The following MYRIP variants were observed in gnomAD, a reference collection of about 807,000 sequenced individuals.
The protein encoded by MYRIP is rab effector MyRIP.
In MYRIP, 49 loss-of-function variants were observed where a neutral mutation model predicts 98.0. That is an observed-to-expected ratio of 0.50 (90% confidence interval 0.40 to 0.63). MYRIP has a LOEUF of 0.63. MYRIP is among the 30% of genes least tolerant of loss of function. MYRIP has a pLI of 0.00. For missense variants in MYRIP, 1,004 were observed against 1,058.2 expected (o/e 0.95, Z 0.71); for synonymous variants, 404 against 409.5 (o/e 0.99, Z 0.16).
intron 16 of MYRIP, among the ~76,000 whole-genome samples, chr3:40,257,492 T>C (rs1292958788): frequency 6.6e-6 from 1 of 152,228 alleles, no homozygotes; most frequent in Non-Finnish European, 1.5e-5. Context: ...ATAACTCTCA[T>C]ATGCTTAGCA....
chr3:39,835,660 G>A (rs972312585), intron 1 of MYRIP, among the ~76,000 whole-genome samples: 1 of 152,004 alleles, frequency 6.6e-6, no homozygotes, highest in Non-Finnish European at 1.5e-5. Context: ...TTGTTACATA[G>A]GTATACATGT....
chr3:39,920,974 A>G (rs942955968), intron 2 of MYRIP, among the ~76,000 whole-genome samples: 8 of 152,204 alleles, frequency 5.3e-5, no homozygotes, highest in Non-Finnish European at 1.0e-4. Context: ...ATCACTGGAC[A>G]TAGAGATGAT....
At chr3:39,874,705 T>C (rs964471460) in intron 1 of MYRIP, among the ~76,000 whole-genome samples, 2 of 152,204 alleles carry the variant, frequency 1.3e-5, no homozygotes, top group African/African-American at 4.8e-5. Flanking sequence ...TTTATCATGG[T>C]GGATAAGCTT....
At chr3:40,039,238 A>G (rs1947456655) in intron 2 of MYRIP, among the ~76,000 whole-genome samples, 1 of 152,316 alleles carries the variant, frequency 6.6e-6, no homozygotes, top group Non-Finnish European at 1.5e-5. Context: ...ACCTAGTCAC[A>G]TAGACCATGC....
chr3:40,241,078 A>G (rs547189529), intron 12 of MYRIP, among the ~76,000 whole-genome samples: 3 of 152,282 alleles, frequency 2.0e-5, no homozygotes, highest in Admixed American at 6.5e-5. Flanking sequence ...AGGTCAACAG[A>G]GAAGGACTAG....
intron 2 of MYRIP, among the ~76,000 whole-genome samples, chr3:39,953,308 G>A (rs1054990533): frequency 2.6e-5 from 4 of 152,036 alleles, no homozygotes; most frequent in South Asian, 2.1e-4. Flanking sequence ...ATGTGCCTTC[G>A]GTCTGTTTCC....
At chr3:40,210,308 C>T (rs370775137) in intron 11 of MYRIP, among the ~76,000 whole-genome samples, 1 of 152,144 alleles carries the variant, frequency 6.6e-6, no homozygotes, top group Non-Finnish European at 1.5e-5. Flanking sequence ...CCCAAGAACT[C>T]TTACCTTCCA....
At chr3:39,942,286 C>T (rs959391029) in intron 2 of MYRIP, among the ~76,000 whole-genome samples, 4 of 152,040 alleles carry the variant, frequency 2.6e-5, no homozygotes, top group African/African-American at 9.7e-5. Flanking sequence ...GCAGAAAAGA[C>T]CAATAACCAT....
intron 3 of MYRIP, among the ~76,000 whole-genome samples, chr3:40,139,174 G>T (rs1949842595): frequency 6.6e-6 from 1 of 152,072 alleles, no homozygotes; most frequent in South Asian, 2.1e-4. Flanking sequence ...ATGGCTGACT[G>T]GTATTTCATG....
At chr3:39,862,715 C>A (rs1416423996) in intron 1 of MYRIP, among the ~76,000 whole-genome samples, 4 of 152,146 alleles carry the variant, frequency 2.6e-5, no homozygotes, top group Non-Finnish European at 5.9e-5. Context: ...ACCCCACTGA[C>A]TGTGTTAGGT....
At chr3:39,987,560 A>G (rs1295025946) in intron 2 of MYRIP, among the ~76,000 whole-genome samples, 3 of 152,198 alleles carry the variant, frequency 2.0e-5, no homozygotes, top group Non-Finnish European at 2.9e-5. Context: ...GTCTGGTTCT[A>G]GATCCTTGAG....
At chr3:40,125,791 C>T (rs1016177164) in intron 3 of MYRIP, among the ~76,000 whole-genome samples, 3 of 152,138 alleles carry the variant, frequency 2.0e-5, no homozygotes, top group African/African-American at 7.2e-5. Flanking sequence ...TTCCTTCTCG[C>T]TATTTGTCAG....
At chr3:40,218,456 A>G (rs1207160197) in intron 11 of MYRIP, among the ~76,000 whole-genome samples, 2 of 151,648 alleles carry the variant, frequency 1.3e-5, no homozygotes, top group Non-Finnish European at 1.5e-5. Context: ...GGTCTGATGG[A>G]AATATTCTAT....
intron 11 of MYRIP, among the ~76,000 whole-genome samples, chr3:40,227,004 A>G (rs879764197): frequency 6.6e-6 from 1 of 152,154 alleles, no homozygotes; most frequent in Non-Finnish European, 1.5e-5. Context: ...GTAAAATGCT[A>G]GCAGCACCCG....
chr3:40,164,071 C>G (rs1192195800), intron 5 of MYRIP, among the ~76,000 whole-genome samples: 1 of 152,132 alleles, frequency 6.6e-6, no homozygotes, highest in Admixed American at 6.5e-5. Flanking sequence ...TTATAGGGTT[C>G]TTAACCCCAA....
At chr3:40,223,331 C>G (rs1399139572) in intron 11 of MYRIP, among the ~76,000 whole-genome samples, 3 of 152,140 alleles carry the variant, frequency 2.0e-5, no homozygotes, top group Admixed American at 6.5e-5. Flanking sequence ...TAAGATATTA[C>G]TCATATTTTT....
At chr3:39,886,140 A>G (rs1575344251) in intron 1 of MYRIP, among the ~76,000 whole-genome samples, 1 of 152,008 alleles carries the variant, frequency 6.6e-6, no homozygotes, top group East Asian at 1.9e-4. Flanking sequence ...GCAAATGCTG[A>G]GAGATTTTGT....
intron 16 of MYRIP, 71 bp from the exon 17 acceptor site, chr3:40,258,063 C>T: frequency 1.3e-6 from 2 of 1,521,474 alleles, no homozygotes; most frequent in South Asian, 2.2e-5. Context: ...AAGCAGTAAA[C>T]ATTATTTTTC....
At chr3:39,875,561 A>G (rs374853428) in intron 1 of MYRIP, among the ~76,000 whole-genome samples, 2 of 151,832 alleles carry the variant, frequency 1.3e-5, no homozygotes, top group East Asian at 3.9e-4. Flanking sequence ...CGTTGGTTTC[A>G]AAGAACATCT....
Sources: gnomAD v4.1 joint callset for allele counts (sites outside exome capture counted in the v4.1 genomes callset) on GRCh38, gnomAD v4.1.1 for gene constraint, MANE v1.5 for transcripts, NCBI Gene and HGNC (gene_info 2026-07-23, HGNC 2026-07-21) for gene names.